The following NLRP9 variants were observed in gnomAD, a reference collection of about 807,000 sequenced individuals.
NLRP9 encodes the protein NACHT, LRR and PYD domains-containing protein 9.
A neutral mutation model predicts 83.1 loss-of-function variants in NLRP9; 88 were observed. The ratio of observed to expected loss-of-function variants is 1.06; its 90% CI spans 0.89 to 1.26. The LOEUF is 1.26. Ranked by LOEUF, NLRP9 falls within the 50% of genes most tolerant of loss-of-function variation. The pLI, the probability that NLRP9 is intolerant of heterozygous loss-of-function variation, is 0.00. For missense variants in NLRP9, 1,308 were observed against 1,179.3 expected (o/e 1.11, Z -1.60); for synonymous variants, 521 against 447.6 (o/e 1.16, Z -2.07).
At position 55,711,085 on chromosome 19, in the gene NLRP9, C is replaced by CAAA. The variant is rs770121384; in HGVS notation, c.2843+712_2843+714dup. On this transcript the variant is annotated intron_variant, in intron 8 of 8. Coordinates refer to ENST00000332836, the MANE Select transcript of NLRP9 (RefSeq NM_176820.4). ...TGGATGACAGAGCAAGACTCTGCCT[C>CAAA]AAAAAAACAAAACAAAACAAAACAA... 4.1e-3 allele frequency among the ~76,000 whole-genome samples: 458 copies of CAAA among 112,392 alleles called. 3 individuals are homozygous for CAAA. The highest frequency in any genetic ancestry group is 0.017 in the African/African-American group (419 of 24,772). The allele number at this position is 112,392 out of a possible 152,430, so 73.7% of individuals were successfully genotyped here.
intron 4 of NLRP9, among the ~76,000 whole-genome samples, chr19:55,722,593 G>A (rs12327652): frequency 0.12 from 18,248 of 152,188 alleles, 1,341 homozygotes; most frequent in Middle Eastern, 0.19. Flanking sequence ...CTCTTAGGGG[G>A]TTTAGTGGGC....
Position 55,715,107 on chromosome 19 carries a change from C to A in NLRP9, c.2449G>T (p.Ala817Ser). 6.2e-7 allele frequency: 1 copy of A among 1,613,062 alleles called. No individual in the cohort carries two copies. Among genetic ancestry groups the A allele is most frequent in the Non-Finnish European group, 8.5e-7 (1 of 1,179,844 alleles). ...GSNALEDNGV[A>S]SLCAALKHPG... is the part of the protein sequence containing the mutation. ...TGCTTCAGCGCTGCACACAGAGATG[C>A]CACTCCATTATCTTCCAGGGCATTT... The change falls in exon 6 of 9, where the codon GCA (alanine) becomes TCA (serine). Residue 817 changes from alanine to serine, a missense_variant. By Grantham distance (99) the Ala-to-Ser change is moderately conservative. Coordinates refer to ENST00000332836, the MANE Select transcript of NLRP9 (RefSeq NM_176820.4).
Position 55,723,980 on chromosome 19 carries a change from A to G in NLRP9, c.2159T>C (p.Ile720Thr). ...CTCGGCATGAACAGCCCGGACTTAC[A>G]TCAGCTCTTCTATCTTGCACATTGG... ...KHPMCKIEELILGKCDISSEV... is the reference protein window; with the variant it reads ...KHPMCKIEELTLGKCDISSEV... The change falls in exon 4 of 9, where the codon ATA becomes ACA. Residue 720 changes from isoleucine (I) to threonine (T), a missense_variant and splice_region_variant. Physicochemically the swap from Ile to Thr is moderately conservative, Grantham distance 89. Transcript: ENST00000332836. 1 of 1,610,194 alleles carries G rather than the reference A, an allele frequency of 6.2e-7. No individual in the cohort carries two copies. Among genetic ancestry groups the G allele is most frequent in the Non-Finnish European group, 8.5e-7 (1 of 1,178,576 alleles).
Position 55,715,129 on chromosome 19 carries a change from A to G in NLRP9, c.2427T>C (p.Asn809=), listed in dbSNP as rs1315972779. 6.2e-7 allele frequency: 1 copy of G among 1,613,196 alleles called. No individual in the cohort carries two copies. The highest frequency in any genetic ancestry group is 8.5e-7 in the Non-Finnish European group (1 of 1,179,904). ...KSLSLLDLGS[N]ALEDNGVASL... ...ATGCCACTCCATTATCTTCCAGGGC[A>G]TTTGAGCCCAGATCGAGGAGGGACA... The change falls in exon 6 of 9, where the codon AAT becomes AAC. Residue 809 remains asparagine, a synonymous_variant. Coordinates refer to ENST00000332836, the MANE Select transcript of NLRP9 (RefSeq NM_176820.4).
intron 3 of NLRP9, 27 bp from the exon 4 acceptor site, chr19:55,724,171 A>T (rs10423927): frequency 6.5e-7 from 1 of 1,539,210 alleles, no homozygotes; most frequent in Non-Finnish European, 8.9e-7. Flanking sequence ...AAAAAATAGC[A>T]TCATGCAATG....
intron 6 of NLRP9, among the ~76,000 whole-genome samples, chr19:55,714,357 T>A (rs1600127617): frequency 6.6e-6 from 1 of 152,058 alleles, no homozygotes; most frequent in Non-Finnish European, 1.5e-5. Context: ...TTCATGTGTG[T>A]GATTCCAACT....
At chr19:55,720,080 CAG>C (rs975819354) in intron 4 of NLRP9, among the ~76,000 whole-genome samples, 14 of 152,098 alleles carry the variant, frequency 9.2e-5, no homozygotes, top group Admixed American at 2.6e-4. Flanking sequence ...AAAATCAAAA[CAG>C]ATATTTTTGG....
chr19:55,723,020 A>G (rs142382578), intron 4 of NLRP9, among the ~76,000 whole-genome samples: 18 of 152,220 alleles, frequency 1.2e-4, no homozygotes, highest in African/African-American at 3.1e-4. Flanking sequence ...GGGGGAGGGA[A>G]AGCATTAGGA....
At chr19:55,716,396 G>A (rs912563589) in intron 5 of NLRP9, among the ~76,000 whole-genome samples, 1 of 151,600 alleles carries the variant, frequency 6.6e-6, no homozygotes, top group Admixed American at 6.6e-5. Context: ...GTAGCTGGGA[G>A]TATGGGCATG....
At chr19:55,729,082 A>C (rs1988492270) in intron 3 of NLRP9, among the ~76,000 whole-genome samples, 1 of 100,904 alleles carries the variant, frequency 9.9e-6, no homozygotes. Context: ...TTACAAATTT[A>C]AGGCTATTTT....
chr19:55,724,524 G>A (rs1056752371), intron 3 of NLRP9, among the ~76,000 whole-genome samples: 1 of 151,798 alleles, frequency 6.6e-6, no homozygotes, highest in African/African-American at 2.4e-5. Flanking sequence ...ACACATATCT[G>A]AATTAATGCT....
rs780877323 is a variant in NLRP9, at chr19:55,733,024, G to A, written c.807C>T (p.Ser269=). 2 of 1,613,764 alleles carry A rather than the reference G, an allele frequency of 1.2e-6. No individual in the cohort carries two copies. Among genetic ancestry groups the A allele is most frequent in the South Asian group, 2.2e-5 (2 of 90,960 alleles). ...SLLQKKMLPE[S]SLLIALGKLA... is the part of the protein sequence containing the mutation. Reference sequence around the variant, plus strand: ...GTTTTCCTAATGCAATAAGGAGAGAGGATTCTGGAAGCATCTTTTTTTGCA... The same window carrying A: ...GTTTTCCTAATGCAATAAGGAGAGAAGATTCTGGAAGCATCTTTTTTTGCA... The change falls in exon 2 of 9, where the codon TCC becomes TCT. Residue 269 remains serine, a synonymous_variant. Coordinates refer to ENST00000332836, the MANE Select transcript of NLRP9 (RefSeq NM_176820.4).
At chr19:55,737,987 C>T in intron 1 of NLRP9, 108 bp downstream of exon 1, 2 of 1,065,576 alleles carry the variant, frequency 1.9e-6, no homozygotes, top group Non-Finnish European at 2.8e-6. Context: ...CTCACCTTGA[C>T]CCACACACAT....
At chr19:55,731,921 G>A in intron 2 of NLRP9, 78 bp downstream of exon 2, 1 of 881,760 alleles carries the variant, frequency 1.1e-6, no homozygotes. Flanking sequence ...GTGGCATAAG[G>A]CCCATGAAAT....
At chr19:55,710,487 A>G (rs1250603634) in intron 8 of NLRP9, among the ~76,000 whole-genome samples, 4 of 152,008 alleles carry the variant, frequency 2.6e-5, no homozygotes, top group Admixed American at 6.6e-5. Flanking sequence ...TGTAATCCCC[A>G]ATGTTGGAGG....
intron 3 of NLRP9, among the ~76,000 whole-genome samples, chr19:55,725,984 C>A (rs1401501482): frequency 2.0e-5 from 3 of 151,862 alleles, no homozygotes; most frequent in Non-Finnish European, 4.4e-5. Context: ...CGAGATTGCA[C>A]CATTGCACTC....
intron 1 of NLRP9, among the ~76,000 whole-genome samples, chr19:55,734,637 A>ATTT (rs201490500): frequency 1.1e-4 from 12 of 106,992 alleles, no homozygotes; most frequent in African/African-American, 3.6e-4. Flanking sequence ...ATATATATAT[A>ATTT]TTTTTTTTTT....
chr19:55,711,988 AC>A lies in NLRP9; in HGVS notation c.2673-19del, dbSNP rs1429905192. Reference sequence around the variant, plus strand: ...TTTGCAGCCTGCAAAAGGGAAACACACCAGAGAATCCACTCTAGCTTTGGGT... The same window carrying A: ...TTTGCAGCCTGCAAAAGGGAAACACACAGAGAATCCACTCTAGCTTTGGGT... On this transcript the variant is annotated intron_variant, in intron 7 of 8. Coordinates refer to ENST00000332836, the MANE Select transcript of NLRP9 (RefSeq NM_176820.4). 6.2e-7 allele frequency: 1 copy of A among 1,609,512 alleles called. No individual in the cohort carries two copies. The highest frequency in any genetic ancestry group is 1.3e-5 in the African/African-American group (1 of 74,848).
At chr19:55,714,984 A>G in intron 6 of NLRP9, 71 bp downstream of exon 6, 2 of 1,409,098 alleles carry the variant, frequency 1.4e-6, no homozygotes, top group East Asian at 2.3e-5. Context: ...TCCCTTTCCT[A>G]TGTCTTTCCT....
Sources: gnomAD v4.1 joint callset for allele counts (sites outside exome capture counted in the v4.1 genomes callset) on GRCh38, gnomAD v4.1.1 for gene constraint, MANE v1.5 for transcripts, NCBI Gene and HGNC (gene_info 2026-07-23, HGNC 2026-07-21) for gene names.